VPS54: variants seen among roughly 807,000 people sequenced by gnomAD.
The protein encoded by VPS54 is VPS54 subunit of GARP complex, also known as vacuolar protein sorting-associated protein 54.
In VPS54, 45 loss-of-function variants were observed where a neutral mutation model predicts 121.5. The ratio of observed to expected loss-of-function variants is 0.37; its 90% CI spans 0.29 to 0.47. The LOEUF is 0.47. Ranked by LOEUF, VPS54 falls within the 20% of genes least tolerant of loss-of-function variation. VPS54 has a pLI of 0.99. For missense variants in VPS54, 1,090 were observed against 1,131.4 expected, an observed-to-expected ratio of 0.96 and a Z score of 0.52; for synonymous variants, 371 against 385.8, an observed-to-expected ratio of 0.96 and a Z score of 0.45.
chr2:63,981,935 CTA>C, intron 2 of VPS54, 48 bp from the exon 3 acceptor site: 1 of 1,559,874 alleles, frequency 6.4e-7, no homozygotes. Context: ...AAAATTGGTT[CTA>C]TGTTTGAAAG....
At chr2:63,991,719 G>A (rs1050658805) in intron 1 of VPS54, among the ~76,000 whole-genome samples, 1 of 152,166 alleles carries the variant, frequency 6.6e-6, no homozygotes, top group African/African-American at 2.4e-5. Context: ...CAGGGAAATG[G>A]GAAGTGGGAC....
In VPS54 at chr2:63,933,730, G is replaced by T; in HGVS notation, c.1682C>A (p.Ser561Tyr). The T allele has an allele frequency of 6.2e-7, 1 of 1,613,732 alleles. No individual in the cohort carries two copies. ...SVSEPECTTDSSSSKEHTSSS... is the reference protein window; with the variant it reads ...SVSEPECTTDYSSSKEHTSSS... ...TGATGTGTGCTCTTTGCTGGATGAA[G>T]AATCAGTAGTACATTCTGGCTCGGA... Residue 561 changes from serine (S) to tyrosine (Y), a missense_variant, in exon 12 of 23, where the codon TCT becomes TAT. By Grantham distance (144) the Ser-to-Tyr change is moderately radical. This residue lies in a region of VPS54 where 801 missense variants were observed against 757.0 expected (regional missense o/e 1.06). Transcript: ENST00000272322.
intron 22 of VPS54, among the ~76,000 whole-genome samples, chr2:63,895,397 T>A (rs1255655319): frequency 3.3e-5 from 5 of 152,182 alleles, no homozygotes; most frequent in Non-Finnish European, 5.9e-5. Context: ...GAGGTTGCAG[T>A]GAGCTGAGAT....
chr2:63,948,267 G>C (rs1270373654), intron 8 of VPS54, among the ~76,000 whole-genome samples: 1 of 150,598 alleles, frequency 6.6e-6, no homozygotes, highest in African/African-American at 2.4e-5. Context: ...ACTAGTTGTT[G>C]TCAGTGATTA....
chr2:63,989,698 G>C (rs950381391), intron 1 of VPS54, among the ~76,000 whole-genome samples: 1 of 152,224 alleles, frequency 6.6e-6, no homozygotes, highest in African/African-American at 2.4e-5. Context: ...ATTTGTCCAG[G>C]TTAACTACGG....
intron 10 of VPS54, among the ~76,000 whole-genome samples, chr2:63,944,376 G>A (rs1419843895): frequency 2.0e-5 from 3 of 152,118 alleles, no homozygotes; most frequent in African/African-American, 7.2e-5. Context: ...TTGCCTCAGG[G>A]TGACTGCTTC....
intron 1 of VPS54, among the ~76,000 whole-genome samples, chr2:64,009,047 T>C (rs1678304209): frequency 6.6e-6 from 1 of 152,192 alleles, no homozygotes; most frequent in Non-Finnish European, 1.5e-5. Context: ...TGAATTCAGA[T>C]TTTCTGATTC....
At chr2:63,936,954 G>C (rs1478824323) in intron 11 of VPS54, among the ~76,000 whole-genome samples, 1 of 152,004 alleles carries the variant, frequency 6.6e-6, no homozygotes, top group Non-Finnish European at 1.5e-5. Context: ...ACATGCTAAA[G>C]AATGAAAGTA....
At chr2:63,970,742 T>C (rs956115111) in intron 4 of VPS54, among the ~76,000 whole-genome samples, 1 of 152,182 alleles carries the variant, frequency 6.6e-6, no homozygotes, top group South Asian at 2.1e-4. Flanking sequence ...TGACCACTTT[T>C]TGTCTCCTTC....
intron 11 of VPS54, among the ~76,000 whole-genome samples, chr2:63,936,104 C>T (rs1674440896): frequency 6.6e-6 from 1 of 152,096 alleles, no homozygotes; most frequent in Non-Finnish European, 1.5e-5. Context: ...TTCTTTAATT[C>T]CCAGAGCCAA....
At chr2:63,937,177 G>A (rs984120873) in intron 11 of VPS54, among the ~76,000 whole-genome samples, 1 of 152,058 alleles carries the variant, frequency 6.6e-6, no homozygotes, top group African/African-American at 2.4e-5. Flanking sequence ...AAACTTCTAT[G>A]CATCAAAAGA....
rs896252350 is a variant in VPS54, at chr2:64,001,045, C to T, written c.-20-17026G>A. ...ATCAGTCAAAAACCTTAGAAGTCTA[C>T]CTGGTGTTCTATTATACTGCAGCTG... is the stretch of plus-strand genomic sequence containing the variant. On this transcript the variant is annotated intron_variant, in intron 1 of 22. Transcript: ENST00000272322. Among the ~76,000 whole-genome samples, 71 of 152,198 alleles carry T rather than the reference C, an allele frequency of 4.7e-4. 5 individuals carry two copies. The highest frequency in any genetic ancestry group is 1.3e-4 in the Admixed American group (2 of 15,284).
intron 14 of VPS54, 96 bp from the exon 15 acceptor site, chr2:63,920,091 T>C (rs2104450042): frequency 9.7e-7 from 1 of 1,030,966 alleles, no homozygotes; most frequent in East Asian, 2.6e-5. Flanking sequence ...AGTGAGAACA[T>C]AAGACTTAAA....
intron 7 of VPS54, among the ~76,000 whole-genome samples, chr2:63,955,108 G>C (rs13427671): frequency 6.6e-6 from 1 of 151,920 alleles, no homozygotes; most frequent in Non-Finnish European, 1.5e-5. Context: ...AAATATTTAT[G>C]AATGAAACAA....
At chr2:64,003,485 C>CT (rs1373165385) in intron 1 of VPS54, among the ~76,000 whole-genome samples, 1 of 152,082 alleles carries the variant, frequency 6.6e-6, no homozygotes, top group African/African-American at 2.4e-5. Context: ...TCATACAGTT[C>CT]TTCCCTATCA....
chr2:63,943,308 A>G (rs1021943340), intron 10 of VPS54, among the ~76,000 whole-genome samples: 1 of 152,188 alleles, frequency 6.6e-6, no homozygotes, highest in African/African-American at 2.4e-5. Flanking sequence ...TAATAAACGC[A>G]GCTTCAGTTA....
chr2:63,916,960 G>A lies in VPS54; in HGVS notation c.2168C>T (p.Thr723Ile). The change falls in exon 16 of 23, where the codon ACA becomes ATA. Residue 723 changes from threonine (T) to isoleucine (I), a missense_variant. This residue lies in a region of VPS54 where 289 missense variants were observed against 374.4 expected (regional missense o/e 0.77). Transcript: ENST00000272322. Reference protein sequence around the residue: ...IALPEKKSGATEERKPAEVLI... With the variant: ...IALPEKKSGAIEERKPAEVLI... Reference sequence around the variant, plus strand: ...AACTTCAGCTGGTTTCCTTTCTTCTGTGGCTACAGAGTTAAGCAAATAAAC... The same window carrying A: ...AACTTCAGCTGGTTTCCTTTCTTCTATGGCTACAGAGTTAAGCAAATAAAC... 3.1e-6 allele frequency: 5 copies of A among 1,613,474 alleles called. No homozygotes were observed. Among genetic ancestry groups the A allele is most frequent in the Non-Finnish European group, 4.2e-6 (5 of 1,179,604 alleles).
At chr2:63,907,647 G>A (rs1672961399) in intron 20 of VPS54, among the ~76,000 whole-genome samples, 1 of 151,976 alleles carries the variant, frequency 6.6e-6, no homozygotes, top group Admixed American at 6.6e-5. Flanking sequence ...CATGAAAGGA[G>A]AAGACAAGCC....
intron 1 of VPS54, among the ~76,000 whole-genome samples, chr2:63,984,932 C>T (rs1407281184): frequency 6.6e-6 from 1 of 151,924 alleles, no homozygotes; most frequent in Admixed American, 6.6e-5. Context: ...TAGAAAGGCC[C>T]AGAAAGAATA....
Sources: gnomAD v4.1 joint callset for allele counts (sites outside exome capture counted in the v4.1 genomes callset) on GRCh38, gnomAD v4.1.1 for gene constraint, gnomAD v4.1.1 regional missense constraint, MANE v1.5 for transcripts, NCBI Gene and HGNC (gene_info 2026-07-23, HGNC 2026-07-21) for gene names.